The following MMP16 variants were observed in gnomAD, a reference collection of about 807,000 sequenced individuals.
The protein encoded by MMP16 is matrix metallopeptidase 16.
A neutral mutation model predicts 67.8 loss-of-function variants in MMP16; 12 were observed. The ratio of observed to expected loss-of-function variants is 0.18; its 90% confidence interval spans 0.11 to 0.29. MMP16 has a LOEUF of 0.29. MMP16 is among the 10% of genes least tolerant of loss of function. MMP16 has a pLI of 1.00. For synonymous variants in MMP16, 249 were observed against 255.9 expected, an observed-to-expected ratio of 0.97 and a Z score of 0.26; for missense variants, 475 against 765.7, an observed-to-expected ratio of 0.62 and a Z score of 4.48.
intron 6 of MMP16, among the ~76,000 whole-genome samples, chr8:88,103,917 T>C (rs943735783): frequency 2.0e-5 from 3 of 151,786 alleles, no homozygotes; most frequent in Admixed American, 1.3e-4. Flanking sequence ...GGGCACAGAT[T>C]CTTACCTAAT....
chr8:88,176,894 A>T (rs1808901169), intron 3 of MMP16, among the ~76,000 whole-genome samples: 1 of 152,154 alleles, frequency 6.6e-6, no homozygotes, highest in African/African-American at 2.4e-5. Context: ...ACTGTTCCTC[A>T]GAGATGTTTG....
Position 88,281,179 on chromosome 8 carries a change from G to T in MMP16, c.132+45896C>A, listed in dbSNP as rs373150739. Among the ~76,000 whole-genome samples, 191 of 152,204 alleles carry T rather than the reference G, an allele frequency of 1.3e-3. 2 individuals are homozygous for T. The highest frequency in any genetic ancestry group is 3.9e-3 in the African/African-American group (160 of 41,534). On this transcript the variant is annotated intron_variant, in intron 1 of 9. Transcript: ENST00000286614. The stretch of plus-strand genomic sequence containing the variant: ...CAGATAGAATTAAAAACCATATCTT[G>T]TAAGAATATTTGAAGGCAAAAGAAA...
rs1260566685 is a variant in MMP16 at position 88,058,825 on chromosome 8, T to A, written c.1223-2547A>T. 6.6e-6 allele frequency among the ~76,000 whole-genome samples: 1 copy of A among 152,118 alleles called. No homozygotes were observed. Among genetic ancestry groups the A allele is most frequent in the East Asian group, 1.9e-4 (1 of 5,182 alleles). On this transcript the variant is annotated intron_variant, in intron 7 of 9. Coordinates refer to ENST00000286614, the MANE Select transcript of MMP16 (RefSeq NM_005941.5). This position sits in a 1 kb window ranked among gnomAD's most constrained non-coding sequence, Gnocchi z 4.2. ...TATTCTAAATGAAATAGGAAGTCAT[T>A]GAACAGTTAAATCAAAAAGTTCTTT...
chr8:88,135,265 C>T (rs566159023), intron 4 of MMP16, among the ~76,000 whole-genome samples: 2 of 151,816 alleles, frequency 1.3e-5, no homozygotes, highest in African/African-American at 4.8e-5. Context: ...CTCAAAAATA[C>T]AAATAGCTAA....
chr8:88,256,847 T>C (rs1037433327), intron 1 of MMP16, among the ~76,000 whole-genome samples: 3 of 152,164 alleles, frequency 2.0e-5, no homozygotes, highest in Non-Finnish European at 4.4e-5. Context: ...GAGGTCATCA[T>C]AGCCAAATGT....
chr8:88,102,492 T>C (rs1395172438), intron 6 of MMP16, among the ~76,000 whole-genome samples: 1 of 151,828 alleles, frequency 6.6e-6, no homozygotes, highest in Non-Finnish European at 1.5e-5. Context: ...TTCTGCTATT[T>C]AGAAGCTCTC....
intron 1 of MMP16, among the ~76,000 whole-genome samples, chr8:88,294,502 A>G (rs1042323595): frequency 7.1e-6 from 1 of 141,630 alleles, no homozygotes; most frequent in African/African-American, 3.0e-5. Flanking sequence ...ACACATATGT[A>G]TATGTCTCTA....
At chr8:88,258,906 G>A (rs953623679) in intron 1 of MMP16, among the ~76,000 whole-genome samples, 1 of 152,162 alleles carries the variant, frequency 6.6e-6, no homozygotes, top group Non-Finnish European at 1.5e-5. Context: ...GCATAGCCAT[G>A]ATTCAGAGGT....
At chr8:88,298,254 T>C (rs571229520) in intron 1 of MMP16, among the ~76,000 whole-genome samples, 1 of 152,176 alleles carries the variant, frequency 6.6e-6, no homozygotes, top group South Asian at 2.1e-4. Context: ...CCACTTCCCT[T>C]CCCCAAACAC....
At chr8:88,099,708 A>T (rs1268838118) in intron 6 of MMP16, among the ~76,000 whole-genome samples, 1 of 151,872 alleles carries the variant, frequency 6.6e-6, no homozygotes, top group East Asian at 2.0e-4. Flanking sequence ...AAAAAACAAA[A>T]AACAAAAAAC....
intron 6 of MMP16, among the ~76,000 whole-genome samples, chr8:88,106,003 T>C (rs1252772332): frequency 1.3e-5 from 2 of 150,238 alleles, no homozygotes; most frequent in Non-Finnish European, 3.0e-5. Flanking sequence ...TGCAAATACA[T>C]ATACACACAC....
At chr8:88,161,508 G>T (rs1402456569) in intron 4 of MMP16, among the ~76,000 whole-genome samples, 1 of 151,972 alleles carries the variant, frequency 6.6e-6, no homozygotes, top group Non-Finnish European at 1.5e-5. Context: ...CCAGCTCCTG[G>T]ATTCATTAAT....
chr8:88,175,803 G>C (rs758495310), intron 3 of MMP16, among the ~76,000 whole-genome samples: 4 of 152,106 alleles, frequency 2.6e-5, no homozygotes, highest in Non-Finnish European at 5.9e-5. Context: ...TTGAATCATG[G>C]GGTCAGGTTT....
At chr8:88,229,622 G>T (rs1809827315) in intron 1 of MMP16, among the ~76,000 whole-genome samples, 1 of 151,938 alleles carries the variant, frequency 6.6e-6, no homozygotes, top group Non-Finnish European at 1.5e-5. Flanking sequence ...TGTACAAAAT[G>T]CATTAGATTT....
At chr8:88,203,737 T>A (rs899924150) in intron 1 of MMP16, among the ~76,000 whole-genome samples, 10 of 152,324 alleles carry the variant, frequency 6.6e-5, no homozygotes, top group Admixed American at 6.5e-4. Context: ...TATTTTGTGC[T>A]ATATAGATGT....
chr8:88,298,906 T>C (rs1811055411), intron 1 of MMP16, among the ~76,000 whole-genome samples: 1 of 152,164 alleles, frequency 6.6e-6, no homozygotes, highest in Non-Finnish European at 1.5e-5. Context: ...TTAAAATAGC[T>C]ACTGAGTTTT....
chr8:88,173,042 T>C (rs948196138), intron 3 of MMP16, among the ~76,000 whole-genome samples: 2 of 152,190 alleles, frequency 1.3e-5, no homozygotes, highest in South Asian at 2.1e-4. Flanking sequence ...TATAACTCTT[T>C]AAAGGTTTTT....
intron 7 of MMP16, among the ~76,000 whole-genome samples, chr8:88,057,124 T>C (rs933580430): frequency 1.3e-5 from 2 of 152,130 alleles, no homozygotes; most frequent in African/African-American, 4.8e-5. Flanking sequence ...TTTTCCACCC[T>C]TATCTATTGA....
At chr8:88,184,371 A>G (rs557462587) in intron 3 of MMP16, among the ~76,000 whole-genome samples, 2 of 152,018 alleles carry the variant, frequency 1.3e-5, no homozygotes, top group African/African-American at 2.4e-5. Context: ...TAGGCTTTCT[A>G]TTCTGCCATG....
Sources: gnomAD v4.1 joint callset for allele counts (sites outside exome capture counted in the v4.1 genomes callset) on GRCh38, gnomAD v4.1.1 for gene constraint, Gnocchi (gnomAD v3.1) non-coding constraint, MANE v1.5 for transcripts, NCBI Gene and HGNC (gene_info 2026-07-23, HGNC 2026-07-21) for gene names.